Variants in FAM178B observed in about 807,000 individuals in gnomAD.
FAM178B encodes the protein family with sequence similarity 178 member B.
Under a neutral mutation model 91.7 loss-of-function variants are expected in FAM178B, and 82 were observed. The ratio of observed to expected loss-of-function variants is 0.89; its 90% CI spans 0.75 to 1.07. The LOEUF (loss-of-function observed/expected upper bound fraction) is 1.07. Ranked by LOEUF, FAM178B falls within the 50% of genes least tolerant of loss-of-function variation. The pLI is 0.00. For missense variants in FAM178B, 769 were observed against 846.7 expected (o/e 0.91, Z 1.14); for synonymous variants, 368 against 359.4 (o/e 1.02, Z -0.27).
chr2:96,970,401 T>C (rs759228825), intron 4 of FAM178B, among the ~76,000 whole-genome samples: 2 of 152,158 alleles, frequency 1.3e-5, no homozygotes, highest in Non-Finnish European at 2.9e-5. Context: ...ACAGTCTGCT[T>C]TTCCACTTCC....
chr2:96,980,301 C>G (rs1001600733), intron 1 of FAM178B, among the ~76,000 whole-genome samples: 8 of 152,160 alleles, frequency 5.3e-5, no homozygotes, highest in African/African-American at 1.9e-4. Flanking sequence ...GTTTAGAACT[C>G]CTGAGCTCAA....
chr2:96,944,188 G>A (rs915466637), intron 8 of FAM178B, among the ~76,000 whole-genome samples: 5 of 149,306 alleles, frequency 3.3e-5, no homozygotes, highest in Admixed American at 6.8e-5. Context: ...CTTGCAGTGG[G>A]CCGAGATTGT....
intron 3 of FAM178B, among the ~76,000 whole-genome samples, chr2:96,971,359 GTC>G (rs905103035): frequency 6.8e-6 from 1 of 146,688 alleles, no homozygotes; most frequent in African/African-American, 2.5e-5. Context: ...CTGTCTGTCT[GTC>G]TCTCTCTCGC....
At chr2:96,977,384 CAAAAAAAAAAAA>C (rs754852439) in intron 1 of FAM178B, among the ~76,000 whole-genome samples, 1 of 24,532 alleles carries the variant, frequency 4.1e-5, no homozygotes. Flanking sequence ...GACTCCGTCT[CAAAAAAAAAAAA>C]AAAAAAAGAA....
chr2:96,960,653 CT>C (rs1375570596), intron 5 of FAM178B, among the ~76,000 whole-genome samples: 1 of 152,244 alleles, frequency 6.6e-6, no homozygotes, highest in African/African-American at 2.4e-5. Context: ...AGGCCTATCC[CT>C]TGCTCAGGGC....
chr2:96,928,305 T>C (rs1024595999), intron 9 of FAM178B, among the ~76,000 whole-genome samples: 13 of 152,264 alleles, frequency 8.5e-5, no homozygotes, highest in African/African-American at 2.2e-4. Context: ...TCAAGAGAGT[T>C]TGGATGTGCT....
rs775799948 is a variant in FAM178B at position 96,877,952 on chromosome 2, T to C, written c.1945A>G (p.Lys649Glu). Residue 649 changes from lysine to glutamate, a missense_variant, in exon 16 of 17, where the codon AAG becomes GAG. Transcript: ENST00000490605. Reference protein sequence around the residue: ...SPQAMHRTMLKDLATQTYIRW... With the variant: ...SPQAMHRTMLEDLATQTYIRW... The stretch of plus-strand genomic sequence containing the variant: ...ATGTAGGTCTGGGTAGCCAGGTCCT[T>C]GAGCATGGTGCGGTGCATGGCCTGG... 2.5e-6 allele frequency: 4 copies of C among 1,613,510 alleles called. No individual in the cohort carries two copies. Among genetic ancestry groups the C allele is most frequent in the Non-Finnish European group, 3.4e-6 (4 of 1,179,684 alleles).
At chr2:96,944,968 A>G (rs948222485) in intron 8 of FAM178B, among the ~76,000 whole-genome samples, 3 of 151,890 alleles carry the variant, frequency 2.0e-5, no homozygotes, top group Non-Finnish European at 4.4e-5. Flanking sequence ...CCTGACTACA[A>G]GTAATTCCTC....
intron 8 of FAM178B, among the ~76,000 whole-genome samples, chr2:96,936,469 G>C (rs2081631794): frequency 7.6e-6 from 1 of 131,054 alleles, no homozygotes; most frequent in African/African-American, 2.6e-5. Flanking sequence ...CCAAAGTGCT[G>C]GATTACAGGC....
At chr2:96,981,411 C>T (rs1020802522) in intron 1 of FAM178B, among the ~76,000 whole-genome samples, 12 of 152,246 alleles carry the variant, frequency 7.9e-5, no homozygotes, top group East Asian at 1.9e-4. Context: ...TGGTATATTT[C>T]GATAAAGAAA....
At chr2:96,881,535 C>A (rs899904587) in intron 14 of FAM178B, among the ~76,000 whole-genome samples, 1 of 151,900 alleles carries the variant, frequency 6.6e-6, no homozygotes. Context: ...CATGGGCTCT[C>A]GGGGGAGTCT....
At chr2:96,903,079 G>A (rs562177735) in intron 12 of FAM178B, among the ~76,000 whole-genome samples, 25 of 152,114 alleles carry the variant, frequency 1.6e-4, no homozygotes, top group Non-Finnish European at 3.1e-4. Context: ...TCGCTCTGTC[G>A]CCCAGGCTGG....
chr2:96,961,127 G>C (rs2082074986), intron 5 of FAM178B, among the ~76,000 whole-genome samples: 1 of 152,192 alleles, frequency 6.6e-6, no homozygotes. Context: ...GAAGGGACGA[G>C]GAGAAGGGAT....
intron 13 of FAM178B, among the ~76,000 whole-genome samples, chr2:96,901,506 C>T (rs941145283): frequency 6.6e-6 from 1 of 152,126 alleles, no homozygotes; most frequent in Non-Finnish European, 1.5e-5. Context: ...CCTTGCTGCC[C>T]CAACAATACC....
chr2:96,935,401 T>G (rs1217151378), intron 8 of FAM178B, among the ~76,000 whole-genome samples: 1 of 152,110 alleles, frequency 6.6e-6, no homozygotes, highest in Non-Finnish European at 1.5e-5. Context: ...GCCCAGCTAT[T>G]ACGGCTCAGC....
Position 96,986,458 on chromosome 2 carries a change from A to G in FAM178B, c.-145T>C. 1 of 947,434 alleles carries G rather than the reference A, an allele frequency of 1.1e-6. No individual in the cohort carries two copies. Among genetic ancestry groups the G allele is most frequent in the Non-Finnish European group, 1.5e-6 (1 of 658,054 alleles). The allele number at this position is 947,434 out of a possible 1,614,324, so 58.7% of individuals were successfully genotyped here. On this transcript the variant is annotated 5_prime_UTR_variant, in exon 1 of 17. Transcript: ENST00000490605. ...GGAGGACCCCAAGAGTTGCGTCCCT[A>G]GATCCAGGGCCGCCAACGTGGAACC...
chr2:96,903,003 G>C (rs1053322737), intron 12 of FAM178B, among the ~76,000 whole-genome samples: 2 of 152,194 alleles, frequency 1.3e-5, no homozygotes, highest in Non-Finnish European at 2.9e-5. Context: ...CATATCCATG[G>C]ATCCATAGAG....
intron 14 of FAM178B, among the ~76,000 whole-genome samples, chr2:96,890,554 G>GT (rs1334263089): frequency 3.9e-5 from 6 of 152,308 alleles, no homozygotes; most frequent in African/African-American, 1.4e-4. Flanking sequence ...GCCAGATATG[G>GT]TTTATACAAG....
chr2:96,969,001 C>T (rs775886295), intron 4 of FAM178B, among the ~76,000 whole-genome samples: 2 of 152,222 alleles, frequency 1.3e-5, no homozygotes, highest in South Asian at 2.1e-4. Flanking sequence ...AACAAAACTT[C>T]CTTTCTTGCA....
Sources: gnomAD v4.1 joint callset for allele counts (sites outside exome capture counted in the v4.1 genomes callset) on GRCh38, gnomAD v4.1.1 for gene constraint, MANE v1.5 for transcripts, NCBI Gene and HGNC (gene_info 2026-07-23, HGNC 2026-07-21) for gene names.